The following ANKS1A variants were observed in gnomAD, a reference collection of about 807,000 sequenced individuals.
ANKS1A encodes ankyrin repeat and sterile alpha motif domain containing 1A.
Under a neutral mutation model 120.3 loss-of-function variants are expected in ANKS1A, and 55 were observed. The ratio of observed to expected loss-of-function variants is 0.46; its 90% CI spans 0.37 to 0.57. The LOEUF is 0.57. ANKS1A is among the 20% of genes least tolerant of loss of function. ANKS1A has a pLI of 0.00. For missense variants in ANKS1A, 1,123 were observed against 1,480.3 expected (o/e 0.76, Z 3.96); for synonymous variants, 590 against 604.7 (o/e 0.98, Z 0.36).
At chr6:35,061,319 G>A (rs1776487845) in intron 13 of ANKS1A, among the ~76,000 whole-genome samples, 1 of 152,216 alleles carries the variant, frequency 6.6e-6, no homozygotes, top group South Asian at 2.1e-4. Context: ...GGCCACCTAT[G>A]TGCTTTATGT....
In ANKS1A at chr6:35,086,866, G is replaced by C. The variant is rs1778019469; in HGVS notation, c.3304-86G>C. On this transcript the variant is annotated intron_variant, in intron 22 of 23. Coordinates refer to ENST00000360359, the MANE Select transcript of ANKS1A (RefSeq NM_015245.3). The surrounding 1 kb of genome is among the most constrained non-coding windows in gnomAD (Gnocchi z 5.1). ...TGCCCCTCCCAGCACAGGGGCCACA[G>C]CCTGGCCTGGGGGTGGGAGGGGCCT... The C allele has an allele frequency of 3.0e-6, 4 of 1,340,174 alleles. No homozygotes were observed. In the African/African-American group the frequency reaches 5.8e-5, roughly 19 times the overall value. The allele number at this position is 1,340,174 out of a possible 1,614,324, so 83.0% of individuals were successfully genotyped here. A position where few individuals can be genotyped will look rare whatever the true frequency, so the allele number is the denominator to read the frequency against.
chr6:35,055,642 T>G (rs1217215246), intron 12 of ANKS1A, among the ~76,000 whole-genome samples: 2 of 152,182 alleles, frequency 1.3e-5, no homozygotes, highest in Non-Finnish European at 2.9e-5. Flanking sequence ...GTTCCTTTTG[T>G]CCATGAAATC....
rs1415558095 is a variant in ANKS1A at position 35,054,102 on chromosome 6, G to C, written c.2014G>C (p.Glu672Gln). The C allele has an allele frequency of 6.2e-7, 1 of 1,613,684 alleles. No individual in the cohort carries two copies. The highest frequency in any genetic ancestry group is 8.5e-7 in the Non-Finnish European group (1 of 1,179,662). ...PSFASEWDEI[E>Q]KIMSSIGEGI... Reference sequence around the variant, plus strand: ...TTTGTTCTTTCTTCCATTTCAGATTGAGAAAATCATGAGTTCTATTGGAGA... The same window carrying C: ...TTTGTTCTTTCTTCCATTTCAGATTCAGAAAATCATGAGTTCTATTGGAGA... Residue 672 changes from glutamate to glutamine, a missense_variant, in exon 12 of 24, where the codon GAG becomes CAG. Physicochemically the swap from Glu to Gln is conservative, Grantham distance 29. This residue lies in a region of ANKS1A where 904 missense variants were observed against 1,130.4 expected (regional missense o/e 0.80). Coordinates refer to ENST00000360359, the MANE Select transcript of ANKS1A (RefSeq NM_015245.3).
chr6:34,995,380 T>C (rs1213992385), intron 10 of ANKS1A, among the ~76,000 whole-genome samples: 3 of 152,174 alleles, frequency 2.0e-5, no homozygotes, highest in Non-Finnish European at 4.4e-5. Flanking sequence ...TTTTTTTTGT[T>C]TTGTTTTGTA....
At chr6:34,989,164 C>G in intron 8 of ANKS1A, 60 bp from the exon 9 acceptor site, 1 of 1,562,468 alleles carries the variant, frequency 6.4e-7, no homozygotes, top group South Asian at 1.1e-5. Flanking sequence ...TGAGGGCAAA[C>G]CAAAAAATTA....
Position 35,016,781 on chromosome 6 carries a change from AAGAG to A in ANKS1A, c.1424-684_1424-681del, listed in dbSNP as rs61705178. Among the ~76,000 whole-genome samples the A allele has an allele frequency of 1.3e-3, 173 of 134,588 alleles. 1 individual carries two copies. The highest frequency in any genetic ancestry group is 3.9e-3 in the Middle Eastern group (1 of 256). The allele number at this position is 134,588 out of a possible 152,430, so 88.3% of individuals were successfully genotyped here. On this transcript the variant is annotated intron_variant, in intron 10 of 23. Transcript: ENST00000360359. ...CACATTCTCAAAAAAAAAAAAAAAA[AAGAG>A]AGAGAGAAAGAAAAGTCTGTGCTCC... is the stretch of plus-strand genomic sequence containing the variant.
At chr6:35,005,832 C>T in intron 10 of ANKS1A, 1 of 413,456 alleles carries the variant, frequency 2.4e-6, no homozygotes, top group South Asian at 1.7e-5. Flanking sequence ...GTGGGTGGAT[C>T]ACTTGAGGTC....
At chr6:35,033,074 T>C (rs1774986390) in intron 11 of ANKS1A, among the ~76,000 whole-genome samples, 1 of 152,170 alleles carries the variant, frequency 6.6e-6, no homozygotes, top group Admixed American at 6.5e-5. Flanking sequence ...GCAAATAGAA[T>C]CCCCCTTGAT....
rs1771942733 is a variant in ANKS1A, at chr6:34,982,251, C to T, written c.732+265C>T. On this transcript the variant is annotated intron_variant, in intron 4 of 23. Coordinates refer to ENST00000360359, the MANE Select transcript of ANKS1A (RefSeq NM_015245.3). This position sits in a 1 kb window ranked among gnomAD's most constrained non-coding sequence, Gnocchi z 4.9. ...GTGCTTATGGACTGGCTCTCAAAACCAGAAAAGTTTCATTATCTTCCTATC... is the reference window on the plus strand; with the variant it reads ...GTGCTTATGGACTGGCTCTCAAAACTAGAAAAGTTTCATTATCTTCCTATC... 1.3e-5 allele frequency among the ~76,000 whole-genome samples: 2 copies of T among 152,268 alleles called. No individual in the cohort carries two copies. The highest frequency in any genetic ancestry group is 2.1e-4 in the South Asian group (1 of 4,824).
intron 3 of ANKS1A, 124 bp downstream of exon 3, chr6:34,970,290 T>C: frequency 8.6e-7 from 1 of 1,163,174 alleles, no homozygotes; most frequent in Non-Finnish European, 1.2e-6. Flanking sequence ...TTCTTTTTGA[T>C]AATCAGTTCC....
chr6:34,949,677 C>T (rs1769973809), intron 1 of ANKS1A, among the ~76,000 whole-genome samples: 1 of 152,186 alleles, frequency 6.6e-6, no homozygotes. Context: ...TCAGCCATGG[C>T]TGGGTTAGGT....
In ANKS1A at chr6:34,953,631, G is replaced by A. The variant is rs184392129; in HGVS notation, c.198-13608G>A. ...TATAATTTTTTGTTTTCATGTCTCTGACATCCTTTAGGACAGGGACTTGGT... is the reference window on the plus strand; with the variant it reads ...TATAATTTTTTGTTTTCATGTCTCTAACATCCTTTAGGACAGGGACTTGGT... On this transcript the variant is annotated intron_variant, in intron 1 of 23. Coordinates refer to ENST00000360359, the MANE Select transcript of ANKS1A (RefSeq NM_015245.3). 1.9e-3 allele frequency among the ~76,000 whole-genome samples: 282 copies of A among 152,196 alleles called. 1 individual carries two copies. The highest frequency in any genetic ancestry group is 6.4e-3 in the African/African-American group (265 of 41,484).
At chr6:34,972,493 T>C (rs1771233911) in intron 3 of ANKS1A, 2 of 583,866 alleles carry the variant, frequency 3.4e-6, no homozygotes, top group Non-Finnish European at 2.2e-6. Flanking sequence ...CAAGTTGTTC[T>C]AGGGTTGGGT....
intron 1 of ANKS1A, among the ~76,000 whole-genome samples, chr6:34,941,194 G>C (rs1430111441): frequency 6.6e-6 from 1 of 152,058 alleles, no homozygotes; most frequent in African/African-American, 2.4e-5. Context: ...CACCATGTTG[G>C]TCGGGCTGGT....
chr6:35,032,514 C>T (rs970632134), intron 11 of ANKS1A, among the ~76,000 whole-genome samples: 16 of 152,258 alleles, frequency 1.1e-4, no homozygotes, highest in African/African-American at 1.7e-4. Context: ...CAGCCCCAAA[C>T]GGGTGCATAG....
chr6:35,018,132 G>T (rs1774143809), intron 11 of ANKS1A, 73 bp downstream of exon 11: 1 of 1,459,000 alleles, frequency 6.9e-7, no homozygotes, highest in East Asian at 2.3e-5. Flanking sequence ...TCCCGTGAGT[G>T]CCAACTCTCA....
At position 35,090,541 on chromosome 6, in the gene ANKS1A, T is replaced by G. The variant is rs1376320210; in HGVS notation, c.*1932T>G. The stretch of plus-strand genomic sequence containing the variant: ...TTATTTATTCAGGGTATTTTCATAT[T>G]GGAAGCCTTGGCTAGTCTGCTCTAG... On this transcript the variant is annotated 3_prime_UTR_variant, in exon 24 of 24. Coordinates refer to ENST00000360359, the MANE Select transcript of ANKS1A (RefSeq NM_015245.3). 16 of 1,035,970 alleles carry G rather than the reference T, an allele frequency of 1.5e-5. No homozygotes were observed. The highest frequency in any genetic ancestry group is 1.9e-5 in the Non-Finnish European group (16 of 860,598). The allele number at this position is 1,035,970 out of a possible 1,614,324, so 64.2% of individuals were successfully genotyped here.
At chr6:34,957,239 C>T (rs148138617) in intron 1 of ANKS1A, among the ~76,000 whole-genome samples, 1 of 152,264 alleles carries the variant, frequency 6.6e-6, no homozygotes, top group African/African-American at 2.4e-5. Flanking sequence ...ACTCTTTTGG[C>T]ACTGTTGTGG....
intron 11 of ANKS1A, among the ~76,000 whole-genome samples, chr6:35,018,764 G>A (rs1453762956): frequency 2.0e-5 from 3 of 152,064 alleles, no homozygotes; most frequent in Non-Finnish European, 4.4e-5. Context: ...ATGTTTAAGG[G>A]AGAACATGCT....
Sources: allele counts gnomAD v4.1 joint callset (sites outside exome capture counted in the v4.1 genomes callset), GRCh38; gene constraint gnomAD v4.1.1; regional missense constraint gnomAD v4.1.1; non-coding constraint Gnocchi (gnomAD v3.1); transcripts MANE v1.5; gene names NCBI Gene and HGNC (gene_info 2026-07-23, HGNC 2026-07-21).